COL25A1: variants seen among roughly 807,000 people sequenced by gnomAD.
COL25A1 encodes the protein collagen alpha-1(XXV) chain.
In COL25A1, 103 loss-of-function variants were observed where a neutral mutation model predicts 128.4. The observed-to-expected ratio is 0.80, with a 90% CI of 0.68 to 0.94. The LOEUF is 0.94. COL25A1 is among the 40% of genes least tolerant of loss of function. The pLI, the probability that COL25A1 is intolerant of heterozygous loss-of-function variation, is 0.00. For synonymous variants in COL25A1, 279 were observed against 277.2 expected (o/e 1.01, Z -0.06); for missense variants, 745 against 840.0 (o/e 0.89, Z 1.40).
At chr4:108,984,735 C>T (rs1560974398) in intron 6 of COL25A1, among the ~76,000 whole-genome samples, 1 of 152,372 alleles carries the variant, frequency 6.6e-6, no homozygotes, top group African/African-American at 2.4e-5. Flanking sequence ...GCGCCTCTCC[C>T]TCCACACCTC....
At chr4:109,206,152 T>C (rs1475327262) in intron 3 of COL25A1, among the ~76,000 whole-genome samples, 1 of 152,214 alleles carries the variant, frequency 6.6e-6, no homozygotes, top group Non-Finnish European at 1.5e-5. Context: ...CGTTATCTTA[T>C]GGCATAAAAC....
At chr4:109,107,514 G>GT (rs1470747062) in intron 3 of COL25A1, among the ~76,000 whole-genome samples, 1 of 152,082 alleles carries the variant, frequency 6.6e-6, no homozygotes, top group African/African-American at 2.4e-5. Context: ...TTGTCATTTA[G>GT]TAAGATAATA....
At chr4:109,252,006 A>G (rs1361109036) in intron 3 of COL25A1, among the ~76,000 whole-genome samples, 4 of 152,256 alleles carry the variant, frequency 2.6e-5, no homozygotes, top group Admixed American at 6.5e-5. Context: ...TGCAAGGCCA[A>G]TGAAATCCAT....
intron 3 of COL25A1, among the ~76,000 whole-genome samples, chr4:109,243,807 T>C (rs1005470856): frequency 1.3e-5 from 2 of 152,100 alleles, no homozygotes; most frequent in African/African-American, 2.4e-5. Flanking sequence ...CATCTTCCTA[T>C]AGAAGAGAGT....
At chr4:108,985,083 C>G (rs996598817) in intron 6 of COL25A1, among the ~76,000 whole-genome samples, 1 of 152,226 alleles carries the variant, frequency 6.6e-6, no homozygotes, top group Non-Finnish European at 1.5e-5. Context: ...TCTCCTTCTT[C>G]CAATGTATAT....
At chr4:108,989,676 T>G (rs957188129) in intron 6 of COL25A1, among the ~76,000 whole-genome samples, 4 of 152,120 alleles carry the variant, frequency 2.6e-5, no homozygotes, top group African/African-American at 7.2e-5. Flanking sequence ...TGGTGAAAGA[T>G]TAGACTCTGC....
chr4:108,834,979 A>G (rs1733612623), intron 31 of COL25A1, among the ~76,000 whole-genome samples: 1 of 152,178 alleles, frequency 6.6e-6, no homozygotes, highest in Non-Finnish European at 1.5e-5. Context: ...TGTTCACACT[A>G]CTTTCCACTA....
intron 3 of COL25A1, among the ~76,000 whole-genome samples, chr4:109,135,711 T>G (rs1209016423): frequency 6.6e-6 from 1 of 152,138 alleles, no homozygotes. Flanking sequence ...CATCTACTTA[T>G]TAAGTCATAA....
chr4:109,255,296 C>T (rs1781000819), intron 3 of COL25A1, among the ~76,000 whole-genome samples: 1 of 151,968 alleles, frequency 6.6e-6, no homozygotes, highest in Non-Finnish European at 1.5e-5. Flanking sequence ...TCTTATATTC[C>T]AAATTAATTT....
intron 3 of COL25A1, among the ~76,000 whole-genome samples, chr4:109,142,880 T>G (rs1438374102): frequency 6.6e-6 from 1 of 152,186 alleles, no homozygotes; most frequent in Non-Finnish European, 1.5e-5. Flanking sequence ...AGTCTGTGTC[T>G]TTTCATTGGG....
intron 8 of COL25A1, among the ~76,000 whole-genome samples, chr4:108,942,443 C>CT (rs113261936): frequency 0.056 from 8,180 of 146,758 alleles, 238 homozygotes; most frequent in African/African-American, 0.086. Flanking sequence ...CAAAATAAAC[C>CT]TTTTTTTTTT....
At chr4:109,080,387 G>A (rs1199235319) in intron 3 of COL25A1, among the ~76,000 whole-genome samples, 1 of 151,858 alleles carries the variant, frequency 6.6e-6, no homozygotes, top group Non-Finnish European at 1.5e-5. Flanking sequence ...TACCTAAGAA[G>A]GTTAATCCTA....
At chr4:108,939,464 C>T (rs570381645) in intron 10 of COL25A1, among the ~76,000 whole-genome samples, 37 of 151,966 alleles carry the variant, frequency 2.4e-4, no homozygotes, top group Admixed American at 1.8e-3. Flanking sequence ...TTTTAAAGTA[C>T]GCTATATTCT....
intron 13 of COL25A1, among the ~76,000 whole-genome samples, chr4:108,914,652 CTTTTTT>C (rs386401119): frequency 1.1e-3 from 109 of 98,562 alleles, no homozygotes; most frequent in African/African-American, 4.2e-3. Context: ...TTTGCTGAAA[CTTTTTT>C]TTTTTTTTTT....
At chr4:109,197,980 T>A (rs1166131352) in intron 3 of COL25A1, among the ~76,000 whole-genome samples, 2 of 152,188 alleles carry the variant, frequency 1.3e-5, no homozygotes, top group African/African-American at 4.8e-5. Context: ...TTCTCATTCA[T>A]CAAAACATAT....
chr4:109,075,565 C>T (rs974378966), intron 3 of COL25A1, among the ~76,000 whole-genome samples: 1 of 152,088 alleles, frequency 6.6e-6, no homozygotes, highest in Non-Finnish European at 1.5e-5. Context: ...ATTAGATCTT[C>T]TCACAAAATT....
In COL25A1 at chr4:109,044,509, A is replaced by C. The variant is rs567101738; in HGVS notation, c.420+3659T>G. ...TGAGTGTCCAAATGTCTCTTGCACT[A>C]TTGGAGCACATTTCATAATGAAGTG... On this transcript the variant is annotated intron_variant, in intron 5 of 37. Coordinates refer to ENST00000399132, the MANE Select transcript of COL25A1 (RefSeq NM_198721.4). Among the ~76,000 whole-genome samples, 3 of 152,206 alleles carry C rather than the reference A, an allele frequency of 2.0e-5. No homozygotes were observed. The East Asian group carries it at 5.8e-4, about 29-fold the overall frequency.
chr4:108,830,924 A>C (rs1733018643), intron 32 of COL25A1, among the ~76,000 whole-genome samples: 1 of 152,276 alleles, frequency 6.6e-6, no homozygotes, highest in Non-Finnish European at 1.5e-5. Context: ...ATTTTTAATT[A>C]AGATGATCTT....
chr4:109,140,746 G>T (rs1425355495), intron 3 of COL25A1, among the ~76,000 whole-genome samples: 1 of 152,134 alleles, frequency 6.6e-6, no homozygotes, highest in Non-Finnish European at 1.5e-5. Flanking sequence ...CCTATTATTG[G>T]TGTATAGGAA....
Sources: gnomAD v4.1 joint callset for allele counts (sites outside exome capture counted in the v4.1 genomes callset) on GRCh38, gnomAD v4.1.1 for gene constraint, MANE v1.5 for transcripts, NCBI Gene and HGNC (gene_info 2026-07-23, HGNC 2026-07-21) for gene names.